The following SLC9C1 variants were observed in gnomAD, a reference collection of about 807,000 sequenced individuals.
SLC9C1 encodes the protein solute carrier family 9 member C1, also known as sodium/hydrogen exchanger 10.
Under a neutral mutation model 140.9 loss-of-function variants are expected in SLC9C1, and 97 were observed. The observed-to-expected ratio is 0.69, with a 90% CI of 0.58 to 0.82. The LOEUF is 0.82. Among genes scored for constraint, SLC9C1 ranks in the 40% least tolerant of loss-of-function variants. SLC9C1 has a pLI of 0.00. For synonymous variants in SLC9C1, 440 were observed against 442.6 expected, an observed-to-expected ratio of 0.99 and a Z score of 0.07; for missense variants, 1,340 against 1,389.3, an observed-to-expected ratio of 0.96 and a Z score of 0.56.
At chr3:112,163,256 TG>T (rs1272156602) in intron 26 of SLC9C1, among the ~76,000 whole-genome samples, 1 of 147,888 alleles carries the variant, frequency 6.8e-6, no homozygotes, top group African/African-American at 2.5e-5. Flanking sequence ...AAGGGTTTTT[TG>T]TGTCTCTATT....
chr3:112,142,042 C>T (rs1223488499), intron 28 of SLC9C1, among the ~76,000 whole-genome samples: 1 of 152,148 alleles, frequency 6.6e-6, no homozygotes, highest in Admixed American at 6.5e-5. Flanking sequence ...GTGCCTTGGA[C>T]GTTTTGTACA....
At chr3:112,281,505 A>G (rs1300887092) in intron 2 of SLC9C1, among the ~76,000 whole-genome samples, 1 of 152,214 alleles carries the variant, frequency 6.6e-6, no homozygotes, top group African/African-American at 2.4e-5. Flanking sequence ...TTTTTAATTC[A>G]AGGAACACAT....
At position 112,145,301 on chromosome 3, in the gene SLC9C1, T is replaced by C. The variant is rs114454169; in HGVS notation, c.3525-4020A>G. ...TTGAACCAGTCTTGCATCCCAGAAA[T>C]AAAGCCTACTTGATCGTGGTATATT... On this transcript the variant is annotated intron_variant, in intron 28 of 28. Coordinates refer to ENST00000305815, the MANE Select transcript of SLC9C1 (RefSeq NM_183061.3). 6.6e-3 allele frequency among the ~76,000 whole-genome samples: 1,006 copies of C among 152,322 alleles called. 18 individuals are homozygous for C. Among genetic ancestry groups the C allele is most frequent in the African/African-American group, 0.023 (964 of 41,576 alleles).
chr3:112,194,670 T>C (rs530766878), intron 20 of SLC9C1, among the ~76,000 whole-genome samples: 9 of 152,360 alleles, frequency 5.9e-5, no homozygotes, highest in Admixed American at 1.3e-4. Context: ...CTGGATCATA[T>C]GGTAATTCTA....
intron 21 of SLC9C1, among the ~76,000 whole-genome samples, chr3:112,181,100 CTATCATTTGAT>C (rs2077431665): frequency 6.6e-6 from 1 of 152,072 alleles, no homozygotes; most frequent in Non-Finnish European, 1.5e-5. Flanking sequence ...TAAAAAATTA[CTATCATTTGAT>C]AATATCTGAA....
intron 28 of SLC9C1, among the ~76,000 whole-genome samples, chr3:112,142,372 C>T (rs2074654742): frequency 6.6e-6 from 1 of 152,020 alleles, no homozygotes; most frequent in Admixed American, 6.6e-5. Flanking sequence ...ATAAGTTTGC[C>T]TGTTGAAATT....
intron 12 of SLC9C1, among the ~76,000 whole-genome samples, chr3:112,233,068 T>TATATATA (rs59351134): frequency 4.7e-5 from 6 of 128,726 alleles, no homozygotes; most frequent in Admixed American, 1.5e-4. Context: ...TATATATATA[T>TATATATA]TATATTTTTT....
intron 20 of SLC9C1, among the ~76,000 whole-genome samples, chr3:112,193,543 C>T (rs1284870570): frequency 6.6e-6 from 1 of 152,140 alleles, no homozygotes; most frequent in East Asian, 1.9e-4. Flanking sequence ...AGGCACAAGG[C>T]TGCTTTGCTG....
At chr3:112,258,378 G>C (rs1176182911) in intron 10 of SLC9C1, among the ~76,000 whole-genome samples, 1 of 151,844 alleles carries the variant, frequency 6.6e-6, no homozygotes, top group Non-Finnish European at 1.5e-5. Flanking sequence ...TTGCTATCAA[G>C]AACTACCTGA....
In SLC9C1 at chr3:112,286,527, C is replaced by T. The variant is rs552984015; in HGVS notation, c.88+177G>A. Reference sequence around the variant, plus strand: ...AATGTTATGAAAATCAGATTCTACACGTCTCTCCATAGGAGCAAATTATTA... The same window carrying T: ...AATGTTATGAAAATCAGATTCTACATGTCTCTCCATAGGAGCAAATTATTA... On this transcript the variant is annotated intron_variant, in intron 2 of 28. Coordinates refer to ENST00000305815, the MANE Select transcript of SLC9C1 (RefSeq NM_183061.3). 2.6e-5 allele frequency among the ~76,000 whole-genome samples: 4 copies of T among 152,270 alleles called. No individual in the cohort carries two copies. In the South Asian group the frequency reaches 6.2e-4, roughly 24 times the overall value.
intron 14 of SLC9C1, among the ~76,000 whole-genome samples, chr3:112,220,781 C>A (rs2078519326): frequency 6.6e-6 from 1 of 152,164 alleles, no homozygotes; most frequent in Non-Finnish European, 1.5e-5. Context: ...TTAAGGAAGG[C>A]TTCACCCTTA....
chr3:112,179,658 T>C lies in SLC9C1; in HGVS notation c.2792A>G (p.Glu931Gly). 1 of 1,611,526 alleles carries C rather than the reference T, an allele frequency of 6.2e-7. No homozygotes were observed. Among genetic ancestry groups the C allele is most frequent in the Non-Finnish European group, 8.5e-7 (1 of 1,179,062 alleles). Residue 931 changes from glutamate to glycine, a missense_variant, in exon 23 of 29, where the codon GAG (glutamate) becomes GGG (glycine). Glu to Gly is a moderately conservative substitution (Grantham distance 98). Coordinates refer to ENST00000305815, the MANE Select transcript of SLC9C1 (RefSeq NM_183061.3). Reference sequence around the variant, plus strand: ...TATCGGAAAATCTTTCTCCTTTGACTCCACCATTTGATCAATCCCTAAACC... The same window carrying C: ...TATCGGAAAATCTTTCTCCTTTGACCCCACCATTTGATCAATCCCTAAACC... ...KPGLGIDQMV[E>G]SKEKDFPIID...
At chr3:112,262,325 A>G (rs1403737738) in intron 10 of SLC9C1, among the ~76,000 whole-genome samples, 4 of 151,952 alleles carry the variant, frequency 2.6e-5, no homozygotes, top group African/African-American at 9.7e-5. Context: ...TTAAGTAGAT[A>G]CATAATGATT....
chr3:112,219,897 T>G (rs1044885669), intron 14 of SLC9C1, among the ~76,000 whole-genome samples: 1 of 152,136 alleles, frequency 6.6e-6, no homozygotes, highest in East Asian at 1.9e-4. Context: ...TTTTAACATC[T>G]CCTGGAAAAT....
Position 112,263,092 on chromosome 3 carries a change from C to T in SLC9C1, c.1029G>A (p.Leu343=). 1 of 1,564,640 alleles carries T rather than the reference C, an allele frequency of 6.4e-7. No homozygotes were observed. Among genetic ancestry groups the T allele is most frequent in the Non-Finnish European group, 8.6e-7 (1 of 1,163,530 alleles). ...IYLTLIVLRF[L]TLLLISPVLS... ...AAACAGGGCTTATTAAAAGAAGGGT[C>T]AGAAATCTAAAAGACAAAACAATTT... is the stretch of plus-strand genomic sequence containing the variant. Residue 343 remains leucine, a synonymous_variant, in exon 10 of 29, where the codon CTG becomes CTA. Coordinates refer to ENST00000305815, the MANE Select transcript of SLC9C1 (RefSeq NM_183061.3).
intron 20 of SLC9C1, among the ~76,000 whole-genome samples, chr3:112,195,547 C>T (rs2077751513): frequency 6.6e-6 from 1 of 151,696 alleles, no homozygotes; most frequent in Non-Finnish European, 1.5e-5. Context: ...ATATTATTGT[C>T]TTTTGTGTTA....
intron 15 of SLC9C1, among the ~76,000 whole-genome samples, chr3:112,211,046 A>T (rs1015064908): frequency 2.6e-5 from 4 of 152,218 alleles, no homozygotes; most frequent in African/African-American, 7.2e-5. Flanking sequence ...AGTAACAGGT[A>T]TAAAAAATGA....
intron 13 of SLC9C1, among the ~76,000 whole-genome samples, chr3:112,225,693 A>C (rs949605355): frequency 6.6e-6 from 1 of 152,160 alleles, no homozygotes; most frequent in African/African-American, 2.4e-5. Context: ...TTCACCTGTA[A>C]AGACGCCCAC....
At chr3:112,293,299 T>TCC (rs1255025959) in intron 1 of SLC9C1, among the ~76,000 whole-genome samples, 5 of 148,756 alleles carry the variant, frequency 3.4e-5, no homozygotes, top group African/African-American at 1.3e-4. Context: ...TATATATATC[T>TCC]CTCATGTTAG....
Sources: allele counts gnomAD v4.1 joint callset (sites outside exome capture counted in the v4.1 genomes callset), GRCh38; gene constraint gnomAD v4.1.1; transcripts MANE v1.5; gene names NCBI Gene and HGNC (gene_info 2026-07-23, HGNC 2026-07-21).